The following FRAS1 variants were observed in gnomAD, a reference collection of about 807,000 sequenced individuals.
FRAS1 encodes extracellular matrix organizing protein FRAS1.
A neutral mutation model predicts 435.2 loss-of-function variants in FRAS1; 290 were observed. That is an observed-to-expected ratio of 0.67 (90% CI 0.61 to 0.73). The LOEUF (loss-of-function observed/expected upper bound fraction) is 0.73. Ranked by LOEUF, FRAS1 falls within the 30% of genes least tolerant of loss-of-function variation. FRAS1 has a pLI of 0.00. For synonymous variants in FRAS1, 1,800 were observed against 1,851.0 expected (o/e 0.97, Z 0.71); for missense variants, 4,860 against 5,001.5 (o/e 0.97, Z 0.85).
intron 36 of FRAS1, 77 bp from the exon 37 acceptor site, chr4:78,430,214 GC>G: frequency 6.4e-7 from 1 of 1,566,458 alleles, no homozygotes; most frequent in Non-Finnish European, 8.7e-7. Flanking sequence ...TCCTAGCCTG[GC>G]CTGCGGTTTT....
chr4:78,453,738 G>T (rs558049769), intron 47 of FRAS1, among the ~76,000 whole-genome samples: 8 of 100,808 alleles, frequency 7.9e-5, no homozygotes, highest in African/African-American at 2.7e-4. Context: ...ATTTGAGGCC[G>T]CAGTGATCTG....
Position 78,470,046 on chromosome 4 carries a change from T to C in FRAS1, c.7326T>C (p.Ile2442=). The change falls in exon 51 of 74, where the codon ATT becomes ATC. Residue 2442 remains isoleucine, a synonymous_variant. Coordinates refer to ENST00000512123, the MANE Select transcript of FRAS1 (RefSeq NM_025074.7). ...CGGTAGATGATGGCACGCCTAGAAT[T>C]GTCACCAACCTGGGACTCCAGTGGC... ...ILPVDDGTPR[I]VTNLGLQWLE... The C allele has an allele frequency of 6.2e-7, 1 of 1,613,712 alleles. No homozygotes were observed. Among genetic ancestry groups the C allele is most frequent in the Non-Finnish European group, 8.5e-7 (1 of 1,179,796 alleles).
At chr4:78,149,266 T>C (rs1720545975) in intron 2 of FRAS1, among the ~76,000 whole-genome samples, 2 of 152,204 alleles carry the variant, frequency 1.3e-5, no homozygotes, top group African/African-American at 4.8e-5. Flanking sequence ...GTGGGCTTAA[T>C]ATCTGACTTT....
intron 2 of FRAS1, among the ~76,000 whole-genome samples, chr4:78,104,407 A>G (rs1422415027): frequency 1.3e-5 from 2 of 152,192 alleles, no homozygotes; most frequent in African/African-American, 4.8e-5. Context: ...GGGAAGAGGG[A>G]GATCTGATGC....
At chr4:78,128,712 C>T (rs558123497) in intron 2 of FRAS1, among the ~76,000 whole-genome samples, 4 of 152,270 alleles carry the variant, frequency 2.6e-5, no homozygotes, top group South Asian at 2.1e-4. Context: ...GTTGCCTGTT[C>T]GCTCTGATGG....
intron 9 of FRAS1, among the ~76,000 whole-genome samples, chr4:78,271,232 G>T (rs1424822412): frequency 6.6e-6 from 1 of 151,582 alleles, no homozygotes; most frequent in Non-Finnish European, 1.5e-5. Flanking sequence ...ATATAATACA[G>T]GCCCCAAATT....
Position 78,282,921 on chromosome 4 carries a change from A to C in FRAS1, c.1209A>C (p.Thr403=), listed in dbSNP as rs751935154. The C allele has an allele frequency of 2.4e-5, 38 of 1,610,466 alleles. No individual in the cohort carries two copies. Among genetic ancestry groups the C allele is most frequent in the African/African-American group, 8.0e-5 (6 of 74,778 alleles). Reference sequence around the variant, plus strand: ...CTTGCCCACCATGTCCAGTGGGCACACTGGCCTTAGAGGTGAAGGGACAGT... The same window carrying C: ...CTTGCCCACCATGTCCAGTGGGCACCCTGGCCTTAGAGGTGAAGGGACAGT... ...EPSCPPCPVG[T]LALEVKGQCC... The change falls in exon 12 of 74, where the codon ACA becomes ACC. Residue 403 remains threonine (T), a synonymous_variant. Coordinates refer to ENST00000512123, the MANE Select transcript of FRAS1 (RefSeq NM_025074.7).
At chr4:78,406,049 C>T (rs1345380712) in intron 30 of FRAS1, among the ~76,000 whole-genome samples, 1 of 152,144 alleles carries the variant, frequency 6.6e-6, no homozygotes, top group African/African-American at 2.4e-5. Context: ...TTCCTTGCCT[C>T]AGTTCCAATA....
chr4:78,333,450 C>G (rs370733109), intron 19 of FRAS1, 38 bp downstream of exon 19: 2 of 1,590,856 alleles, frequency 1.3e-6, no homozygotes, highest in Non-Finnish European at 1.7e-6. Flanking sequence ...TGCCTATGAC[C>G]ATGTTTTGTC....
rs1485510684 is a variant in FRAS1 at position 78,283,933 on chromosome 4, T to C, written c.1256-472T>C. Among the ~76,000 whole-genome samples the C allele has an allele frequency of 2.0e-5, 3 of 152,184 alleles. No homozygotes were observed. In the East Asian group the frequency reaches 5.8e-4, roughly 29 times the overall value. On this transcript the variant is annotated intron_variant, in intron 12 of 73. Transcript: ENST00000512123. ...CAATTACTGAAAATGAGATTTGAAA[T>C]TTTGGAGAAAAAGAAGAAAATGGGG...
intron 66 of FRAS1, among the ~76,000 whole-genome samples, chr4:78,517,405 C>T (rs1235461965): frequency 6.6e-6 from 1 of 152,188 alleles, no homozygotes; most frequent in Non-Finnish European, 1.5e-5. Context: ...GCTGTAATTA[C>T]TGTTTGAATA....
At chr4:78,488,849 G>T (rs371951032) in intron 58 of FRAS1, 26 bp from the exon 59 acceptor site, 1 of 1,602,782 alleles carries the variant, frequency 6.2e-7, no homozygotes, top group Non-Finnish European at 8.5e-7. Context: ...CTAATGGTGC[G>T]TCTGTCTTTC....
At chr4:78,070,657 A>C (rs1324073335) in intron 2 of FRAS1, 1 of 152,224 alleles carries the variant, frequency 6.6e-6, no homozygotes, top group Admixed American at 6.5e-5. Context: ...TAATAGGTTT[A>C]ACTGTGATGT....
chr4:78,354,023 T>TAAAA (rs767987937), intron 20 of FRAS1, among the ~76,000 whole-genome samples: 2 of 106,060 alleles, frequency 1.9e-5, no homozygotes, highest in East Asian at 4.0e-4. Flanking sequence ...AAAAATAAAA[T>TAAAA]AAAAAAAAAA....
chr4:78,125,015 T>C (rs992582410), intron 2 of FRAS1, among the ~76,000 whole-genome samples: 1 of 152,208 alleles, frequency 6.6e-6, no homozygotes, highest in African/African-American at 2.4e-5. Context: ...CTTAGTTATT[T>C]CTTGTCTTCT....
rs183180581 is a variant in FRAS1, at chr4:78,161,362, G to A, written c.109-76148G>A. ...ATTTAGGCTCATGGTAAAGACGTCG[G>A]GTTTGGATACTACTCTGTCACATGC... On this transcript the variant is annotated intron_variant, in intron 2 of 73. Coordinates refer to ENST00000512123, the MANE Select transcript of FRAS1 (RefSeq NM_025074.7). Among the ~76,000 whole-genome samples the A allele has an allele frequency of 2.0e-4, 31 of 152,074 alleles. 2 individuals carry two copies. The highest frequency in any genetic ancestry group is 7.0e-4 in the African/African-American group (29 of 41,504).
chr4:78,165,614 G>A (rs1721303742), intron 2 of FRAS1, among the ~76,000 whole-genome samples: 1 of 152,132 alleles, frequency 6.6e-6, no homozygotes, highest in African/African-American at 2.4e-5. Flanking sequence ...TACTCTGGAG[G>A]CATCTATGGG....
At chr4:78,293,763 G>GA (rs112829431) in intron 14 of FRAS1, among the ~76,000 whole-genome samples, 41 of 152,282 alleles carry the variant, frequency 2.7e-4, no homozygotes, top group African/African-American at 9.4e-4. Flanking sequence ...TTCATATGCA[G>GA]AAAAAATGGA....
intron 69 of FRAS1, among the ~76,000 whole-genome samples, chr4:78,524,330 C>T (rs904671224): frequency 6.6e-6 from 1 of 152,086 alleles, no homozygotes; most frequent in Non-Finnish European, 1.5e-5. Context: ...AATGAAGAAC[C>T]CCACCAAGCA....
Sources: allele counts gnomAD v4.1 joint callset (sites outside exome capture counted in the v4.1 genomes callset), GRCh38; gene constraint gnomAD v4.1.1; transcripts MANE v1.5; gene names NCBI Gene and HGNC (gene_info 2026-07-23, HGNC 2026-07-21).